The following DNAL1 variants were observed in gnomAD, a reference collection of about 807,000 sequenced individuals.
DNAL1 encodes the protein dynein axonemal light chain 1, also known as chromosome 14 open reading frame 168.
A neutral mutation model predicts 29.4 loss-of-function variants in DNAL1; 17 were observed. The ratio of observed to expected loss-of-function variants is 0.58; its 90% CI spans 0.40 to 0.87. The LOEUF is 0.87. DNAL1 is among the 40% of genes least tolerant of loss of function. The pLI, the probability that DNAL1 is intolerant of heterozygous loss-of-function variation, is 0.00. For missense variants in DNAL1, 188 were observed against 214.1 expected (o/e 0.88, Z 0.76); for synonymous variants, 78 against 76.3 (o/e 1.02, Z -0.12).
chr14:73,684,803 A>G (rs1891974764), intron 5 of DNAL1, among the ~76,000 whole-genome samples: 1 of 152,306 alleles, frequency 6.6e-6, no homozygotes, highest in South Asian at 2.1e-4. Flanking sequence ...GGGCTGAGGC[A>G]GGAGGATCAC....
chr14:73,651,801 T>C (rs1891119531), intron 1 of DNAL1, among the ~76,000 whole-genome samples: 1 of 151,968 alleles, frequency 6.6e-6, no homozygotes, highest in African/African-American at 2.4e-5. Flanking sequence ...GAAATACAGG[T>C]GCACATCACC....
At chr14:73,676,678 G>A (rs918380344) in intron 5 of DNAL1, among the ~76,000 whole-genome samples, 1 of 151,650 alleles carries the variant, frequency 6.6e-6, no homozygotes, top group African/African-American at 2.4e-5. Context: ...TTTTTCTTGG[G>A]TGAGGAGTGT....
intron 4 of DNAL1, among the ~76,000 whole-genome samples, chr14:73,669,226 T>A (rs1032212690): frequency 6.6e-6 from 1 of 152,040 alleles, no homozygotes; most frequent in Admixed American, 6.6e-5. Flanking sequence ...GAAACCATCC[T>A]CCTGCCTCAG....
rs1890946741 is a variant in DNAL1 at position 73,645,023 on chromosome 14, C to T, written c.-17C>T. 3.1e-6 allele frequency: 5 copies of T among 1,609,264 alleles called. No homozygotes were observed. Among genetic ancestry groups the T allele is most frequent in the African/African-American group, 1.3e-5 (1 of 74,872 alleles). Reference sequence around the variant, plus strand: ...CGGGCCCTAGCAACCAGAGCAGTGACAGTAGCAACCGCCGGAATGGTGAGT... The same window carrying T: ...CGGGCCCTAGCAACCAGAGCAGTGATAGTAGCAACCGCCGGAATGGTGAGT... On this transcript the variant is annotated 5_prime_UTR_variant, in exon 1 of 8. Coordinates refer to ENST00000553645, the MANE Select transcript of DNAL1 (RefSeq NM_031427.4).
chr14:73,646,925 A>G (rs1042439414), intron 1 of DNAL1, among the ~76,000 whole-genome samples: 10 of 152,164 alleles, frequency 6.6e-5, no homozygotes, highest in African/African-American at 2.2e-4. Flanking sequence ...CTCCAGAAAT[A>G]TTGACCCACA....
intron 1 of DNAL1, among the ~76,000 whole-genome samples, chr14:73,654,301 A>G (rs1264427963): frequency 6.6e-6 from 1 of 152,212 alleles, no homozygotes; most frequent in Non-Finnish European, 1.5e-5. Flanking sequence ...GGTGTTACAT[A>G]ATGATTTCCT....
chr14:73,692,991 A>G (rs1330087695), intron 7 of DNAL1, among the ~76,000 whole-genome samples: 5 of 152,018 alleles, frequency 3.3e-5, no homozygotes, highest in Non-Finnish European at 4.4e-5. Context: ...GTCCGCCACC[A>G]CGCCTGGCTA....
chr14:73,667,448 G>A (rs1403858963), intron 4 of DNAL1, among the ~76,000 whole-genome samples: 1 of 151,944 alleles, frequency 6.6e-6, no homozygotes, highest in Admixed American at 6.6e-5. Context: ...CACTTAACAT[G>A]TCCAAAACTG....
In DNAL1 at chr14:73,656,976, G is replaced by T. The variant is rs961531985; in HGVS notation, c.43-1871G>T. On this transcript the variant is annotated intron_variant, in intron 2 of 7. Transcript: ENST00000553645. ...TTAATTCTGTGAAAGTATAGACGGG[G>T]TCTCACTATATTGCCCAGGCTGGTC... Among the ~76,000 whole-genome samples, 3 of 151,186 alleles carry T rather than the reference G, an allele frequency of 2.0e-5. No individual in the cohort carries two copies. In the East Asian group the frequency reaches 5.8e-4, roughly 29 times the overall value.
At chr14:73,656,345 A>T in intron 2 of DNAL1, among the ~76,000 whole-genome samples, 1 of 150,540 alleles carries the variant, frequency 6.6e-6, no homozygotes, top group African/African-American at 2.4e-5. Flanking sequence ...GGATTTTGAG[A>T]TTTTATTTTA....
intron 5 of DNAL1, among the ~76,000 whole-genome samples, chr14:73,681,617 AAAAAAAAAAAAAAAAAAT>A (rs1216466918): frequency 3.8e-4 from 18 of 47,706 alleles, no homozygotes; most frequent in South Asian, 6.3e-4. Flanking sequence ...AAAAAAAAAA[AAAAAAAAAAAAAAAAAAT>A]ATATATATAT....
chr14:73,661,787 G>T (rs975332149), intron 3 of DNAL1, among the ~76,000 whole-genome samples, 200 bp from the exon 4 acceptor site: 32 of 151,992 alleles, frequency 2.1e-4, no homozygotes, highest in African/African-American at 7.5e-4. Context: ...CCCTCAAGAA[G>T]ATTTTTTCAA....
At chr14:73,682,910 C>T (rs1460313318) in intron 5 of DNAL1, among the ~76,000 whole-genome samples, 3 of 102,786 alleles carry the variant, frequency 2.9e-5, no homozygotes, top group Middle Eastern at 8.2e-3. Flanking sequence ...GAGTTTCGCT[C>T]TTGTTGCCCA....
chr14:73,671,189 A>G (rs1891609313), intron 4 of DNAL1, among the ~76,000 whole-genome samples: 2 of 152,116 alleles, frequency 1.3e-5, no homozygotes, highest in African/African-American at 4.8e-5. Context: ...TTCTAGTATG[A>G]GTTCTTGTAA....
At chr14:73,662,133 C>A in intron 4 of DNAL1, 91 bp downstream of exon 4, 1 of 1,076,640 alleles carries the variant, frequency 9.3e-7, no homozygotes, top group Non-Finnish European at 1.4e-6. Flanking sequence ...GAAGCTGGCA[C>A]CTGTTTTAGC....
rs1181374092 is a variant in DNAL1, at chr14:73,702,020, G to T, written c.*6078G>T. The stretch of plus-strand genomic sequence containing the variant: ...TATAGAGCAATTATATAAACTTCTA[G>T]TGATATTCAGTCCAAAGAAATTCAG... On this transcript the variant is annotated 3_prime_UTR_variant, in exon 8 of 8. Transcript: ENST00000553645. The T allele has an allele frequency of 6.6e-6, 1 of 151,814 alleles. No individual in the cohort carries two copies. The highest frequency in any genetic ancestry group is 1.5e-5 in the Non-Finnish European group (1 of 67,972). The allele number at this position is 151,814 out of a possible 1,614,324, so 9.4% of individuals were successfully genotyped here. A position where few individuals can be genotyped will look rare whatever the true frequency, so the allele number is the denominator to read the frequency against.
chr14:73,687,354 C>G lies in DNAL1; in HGVS notation c.360C>G (p.Leu120=), dbSNP rs1454978983. The change falls in exon 6 of 8, where the codon CTC becomes CTG. Residue 120 remains leucine (L), a synonymous_variant. Coordinates refer to ENST00000553645, the MANE Select transcript of DNAL1 (RefSeq NM_031427.4). ...GIHIMKKLKI[L]YMSNNLVKDW... is the part of the protein sequence containing the mutation. ...ACATAATGAAGAAATTGAAGATTCT[C>G]TACATGTCTAATAACCTGGTAAAAG... 1 of 1,610,320 alleles carries G rather than the reference C, an allele frequency of 6.2e-7. No individual in the cohort carries two copies. Among genetic ancestry groups the G allele is most frequent in the South Asian group, 1.1e-5 (1 of 90,122 alleles).
At chr14:73,687,158 G>T in intron 5 of DNAL1, 101 bp from the exon 6 acceptor site, 2 of 1,442,118 alleles carry the variant, frequency 1.4e-6, no homozygotes, top group South Asian at 1.4e-5. Flanking sequence ...GACAGGCAGG[G>T]TCTAAGTTCA....
In DNAL1 at chr14:73,695,918, A is replaced by T; in HGVS notation, c.549A>T (p.Lys183Asn). The change falls in exon 8 of 8, where the codon AAA becomes AAT. Residue 183 changes from lysine (K) to asparagine (N), a missense_variant. Physicochemically the swap from Lys to Asn is moderately conservative, Grantham distance 94. Coordinates refer to ENST00000553645, the MANE Select transcript of DNAL1 (RefSeq NM_031427.4). ...LKKLDGTPVIKGDEEEDN is the reference protein window; with the variant it reads ...LKKLDGTPVINGDEEEDN ...TCATTTTAGGTACTCCAGTAATTAAAGGGGATGAGGAAGAAGACAACTAAT... is the reference window on the plus strand; with the variant it reads ...TCATTTTAGGTACTCCAGTAATTAATGGGGATGAGGAAGAAGACAACTAAT... 6.3e-7 allele frequency: 1 copy of T among 1,588,318 alleles called. No homozygotes were observed. The highest frequency in any genetic ancestry group is 8.6e-7 in the Non-Finnish European group (1 of 1,165,920).
Sources: gnomAD v4.1 joint callset for allele counts (sites outside exome capture counted in the v4.1 genomes callset) on GRCh38, gnomAD v4.1.1 for gene constraint, MANE v1.5 for transcripts, NCBI Gene and HGNC (gene_info 2026-07-23, HGNC 2026-07-21) for gene names.